Variants in ENPP1 observed in about 807,000 individuals in gnomAD.
ENPP1 encodes ectonucleotide pyrophosphatase/phosphodiesterase family member 1.
In ENPP1, 73 loss-of-function variants were observed where a neutral mutation model predicts 122.8. The ratio of observed to expected loss-of-function variants is 0.59; its 90% CI spans 0.49 to 0.72. The LOEUF (loss-of-function observed/expected upper bound fraction) is 0.72, where lower values mean the gene tolerates loss of function less well. ENPP1 is among the 30% of genes least tolerant of loss of function. The probability of loss-of-function intolerance (pLI) is 0.00; values close to 1 mark genes in which losing one functional copy is unlikely to be tolerated. For missense variants in ENPP1, 978 were observed against 1,128.1 expected, an observed-to-expected ratio of 0.87 and a Z score of 1.91; for synonymous variants, 367 against 391.6, an observed-to-expected ratio of 0.94 and a Z score of 0.74.
chr6:131,890,771 A>C lies in ENPP1; in HGVS notation c.*260A>C. On this transcript the variant is annotated 3_prime_UTR_variant, in exon 25 of 25. Coordinates refer to ENST00000647893, the MANE Select transcript of ENPP1 (RefSeq NM_006208.3). ...GGGGAATAAAGACAGACCACACCTA[A>C]AACTGCCTTTCTGCTTCTCTTAAAG... The C allele has an allele frequency of 2.1e-6, 1 of 479,086 alleles. No homozygotes were observed. The highest frequency in any genetic ancestry group is 3.8e-5 in the East Asian group (1 of 26,154). The allele number at this position is 479,086 out of a possible 1,614,324, so 29.7% of individuals were successfully genotyped here. A position where few individuals can be genotyped will look rare whatever the true frequency, so the allele number is the denominator to read the frequency against.
chr6:131,860,706 G>A (rs768965774), intron 8 of ENPP1, among the ~76,000 whole-genome samples, 200 bp downstream of exon 8: 140 of 152,140 alleles, frequency 9.2e-4, no homozygotes, highest in Non-Finnish European at 3.1e-4. Context: ...GTTTATTTCA[G>A]AGGTGGATTT....
At chr6:131,874,730 A>C (rs1471534398) in intron 16 of ENPP1, among the ~76,000 whole-genome samples, 1 of 152,132 alleles carries the variant, frequency 6.6e-6, no homozygotes, top group Non-Finnish European at 1.5e-5. Flanking sequence ...TATCAAAGAC[A>C]CCTGCACTCG....
At chr6:131,877,613 TACA>T in intron 18 of ENPP1, 1 of 160,376 alleles carries the variant, frequency 6.2e-6, no homozygotes, top group Non-Finnish European at 1.4e-5. Flanking sequence ...ATGAATATAT[TACA>T]CTGTCCTTTT....
Position 131,882,321 on chromosome 6 carries a change from GTTC to G in ENPP1, c.2101-19_2101-17del, listed in dbSNP as rs1366222145. ...TCTTCTCTGTGCCTGATATCTGAGA[GTTC>G]TTCTCATTTTCGTTCTTCAGGACAG... is the stretch of plus-strand genomic sequence containing the variant. On this transcript the variant is annotated intron_variant, in intron 20 of 24. Coordinates refer to ENST00000647893, the MANE Select transcript of ENPP1 (RefSeq NM_006208.3). 5.2e-6 allele frequency: 8 copies of G among 1,552,336 alleles called. No individual in the cohort carries two copies. The African/African-American group carries it at 6.1e-5, about 12-fold the overall frequency.
intron 9 of ENPP1, among the ~76,000 whole-genome samples, chr6:131,863,785 G>A (rs1782053508): frequency 2.6e-5 from 4 of 151,772 alleles, no homozygotes; most frequent in East Asian, 1.9e-4. Context: ...GCGTGGTGGT[G>A]CACGCCTGTA....
chr6:131,889,007 A>T (rs1782424611), intron 24 of ENPP1, among the ~76,000 whole-genome samples: 2 of 152,100 alleles, frequency 1.3e-5, no homozygotes, highest in South Asian at 4.1e-4. Context: ...CATTCTTAGC[A>T]TGTGGCTTTG....
chr6:131,866,455 G>C (rs1233293942), intron 11 of ENPP1, among the ~76,000 whole-genome samples: 1 of 152,144 alleles, frequency 6.6e-6, no homozygotes, highest in African/African-American at 2.4e-5. Context: ...AGGCAAAAAA[G>C]CATCCTTATT....
intron 16 of ENPP1, among the ~76,000 whole-genome samples, chr6:131,875,347 C>T (rs1027228513): frequency 2.5e-4 from 38 of 152,012 alleles, no homozygotes; most frequent in African/African-American, 8.9e-4. Context: ...AAAACCAGTG[C>T]TATAATAGAT....
chr6:131,845,705 C>T (rs116062006), intron 1 of ENPP1, among the ~76,000 whole-genome samples: 5 of 152,000 alleles, frequency 3.3e-5, no homozygotes, highest in East Asian at 1.9e-4. Context: ...GTGATCCCCC[C>T]ACCTCAGCCT....
intron 24 of ENPP1, among the ~76,000 whole-genome samples, chr6:131,888,250 T>C (rs1184684385): frequency 6.7e-6 from 1 of 149,500 alleles, no homozygotes; most frequent in South Asian, 2.1e-4. Flanking sequence ...TTTTTTTTTT[T>C]CATTGAAGTG....
In ENPP1 at chr6:131,851,254, T is replaced by C; in HGVS notation, c.543T>C (p.Ser181=). The change falls in exon 4 of 25, where the codon AGT becomes AGC. Residue 181 remains serine, a synonymous_variant. Coordinates refer to ENST00000647893, the MANE Select transcript of ENPP1 (RefSeq NM_006208.3). The stretch of plus-strand genomic sequence containing the variant: ...AGGGCGACTGCTGCATCAACTACAG[T>C]TCTGTGTGTCAAGGTCAGGTGCTCG... ...KDKGDCCINY[S]SVCQGEKSWV... is the part of the protein sequence containing the mutation. 1 of 1,614,120 alleles carries C rather than the reference T, an allele frequency of 6.2e-7. No homozygotes were observed. The highest frequency in any genetic ancestry group is 8.5e-7 in the Non-Finnish European group (1 of 1,179,982).
At position 131,886,605 on chromosome 6, in the gene ENPP1, C is replaced by T; in HGVS notation, c.2488C>T (p.His830Tyr). The change falls in exon 24 of 25, where the codon CAC becomes TAC. Residue 830 changes from histidine to tyrosine, a missense_variant. Transcript: ENST00000647893. ...IRNQEILIPT[H>Y]FFIVLTSCKD... ...TAACCAAGAAATTTTGATTCCAACT[C>T]ACTTCTTTATTGTGCTAACAAGCTG... is the stretch of plus-strand genomic sequence containing the variant. 6.2e-7 allele frequency: 1 copy of T among 1,613,834 alleles called. No homozygotes were observed. Among genetic ancestry groups the T allele is most frequent in the Non-Finnish European group, 8.5e-7 (1 of 1,179,740 alleles).
At chr6:131,876,318 T>A (rs1002135606) in intron 17 of ENPP1, among the ~76,000 whole-genome samples, 2 of 152,256 alleles carry the variant, frequency 1.3e-5, no homozygotes, top group Admixed American at 6.5e-5. Context: ...TGGTTTACTT[T>A]GTACCTTCTG....
chr6:131,885,417 C>G (rs1782364789), intron 23 of ENPP1, among the ~76,000 whole-genome samples: 1 of 152,082 alleles, frequency 6.6e-6, no homozygotes, highest in East Asian at 1.9e-4. Flanking sequence ...TATGGTGTGG[C>G]TACAGATATC....
In ENPP1 at chr6:131,882,311, A is replaced by G. The variant is rs202129953; in HGVS notation, c.2101-34A>G. 18 of 1,564,090 alleles carry G rather than the reference A, an allele frequency of 1.2e-5. No homozygotes were observed. The Admixed American group carries it at 2.6e-4, about 23-fold the overall frequency. ...AAAGCAATTTTCTTCTCTGTGCCTGATATCTGAGAGTTCTTCTCATTTTCG... is the reference window on the plus strand; with the variant it reads ...AAAGCAATTTTCTTCTCTGTGCCTGGTATCTGAGAGTTCTTCTCATTTTCG... On this transcript the variant is annotated intron_variant, in intron 20 of 24. Coordinates refer to ENST00000647893, the MANE Select transcript of ENPP1 (RefSeq NM_006208.3).
Position 131,877,110 on chromosome 6 carries a change from C to T in ENPP1, c.1842C>T (p.Cys614=). ...HPKEVHPLVQ[C]PFTRNPRDNL... The stretch of plus-strand genomic sequence containing the variant: ...AAGAAGTGCACCCCCTGGTACAGTG[C>T]CCCTTCACAAGAAACCCCAGAGATA... The change falls in exon 18 of 25, where the codon TGC becomes TGT. Residue 614 remains cysteine (C), a synonymous_variant. Coordinates refer to ENST00000647893, the MANE Select transcript of ENPP1 (RefSeq NM_006208.3). 2.5e-6 allele frequency: 4 copies of T among 1,614,004 alleles called. No individual in the cohort carries two copies. Among genetic ancestry groups the T allele is most frequent in the Non-Finnish European group, 3.4e-6 (4 of 1,179,976 alleles).
At chr6:131,859,730 G>C (rs772229784) in intron 7 of ENPP1, among the ~76,000 whole-genome samples, 29 of 152,234 alleles carry the variant, frequency 1.9e-4, no homozygotes, top group Admixed American at 3.9e-4. Flanking sequence ...ATATTTATTA[G>C]GCAAAAGAGA....
At chr6:131,847,899 G>GTGTGTA (rs1554278212) in intron 2 of ENPP1, 51 bp downstream of exon 2, 1 of 1,258,762 alleles carries the variant, frequency 7.9e-7, no homozygotes, top group Non-Finnish European at 1.1e-6. Flanking sequence ...GTGTGTATGT[G>GTGTGTA]TGTGCACAGC....
chr6:131,886,373 C>T (rs1312654517), intron 23 of ENPP1, among the ~76,000 whole-genome samples, 189 bp from the exon 24 acceptor site: 1 of 152,162 alleles, frequency 6.6e-6, no homozygotes, highest in East Asian at 1.9e-4. Flanking sequence ...GTGTGTTTAT[C>T]TGCCTGTCTT....
Sources: gnomAD v4.1 joint callset for allele counts (sites outside exome capture counted in the v4.1 genomes callset) on GRCh38, gnomAD v4.1.1 for gene constraint, MANE v1.5 for transcripts, NCBI Gene and HGNC (gene_info 2026-07-23, HGNC 2026-07-21) for gene names.